Variants in FRK observed in about 807,000 individuals in gnomAD.
The protein encoded by FRK is tyrosine-protein kinase FRK.
Under a neutral mutation model 56.4 loss-of-function variants are expected in FRK, and 51 were observed. The observed-to-expected ratio is 0.90, with a 90% CI of 0.72 to 1.14. FRK has a LOEUF of 1.14. FRK is among the 50% of genes most tolerant of loss of function. The probability of loss-of-function intolerance (pLI) is 0.00; values close to 1 mark genes in which losing one functional copy is unlikely to be tolerated. For synonymous variants in FRK, 245 were observed against 217.9 expected (o/e 1.12, Z -1.10); for missense variants, 570 against 601.4 (o/e 0.95, Z 0.55).
chr6:115,967,530 TA>T lies in FRK; in HGVS notation c.799+20del, dbSNP rs1367270558. 1 of 1,610,258 alleles carries T rather than the reference TA, an allele frequency of 6.2e-7. No homozygotes were observed. Among genetic ancestry groups the T allele is most frequent in the Non-Finnish European group, 8.5e-7 (1 of 1,177,102 alleles). On this transcript the variant is annotated intron_variant, in intron 4 of 7. Coordinates refer to ENST00000606080, the MANE Select transcript of FRK (RefSeq NM_002031.3). ...CTCATAAAAATCAACATATGCCATT[TA>T]ACCTTTATTGTTCTCGCACCTGGTT...
intron 1 of FRK, chr6:116,039,270 C>G: frequency 1.3e-6 from 2 of 1,483,756 alleles, no homozygotes; most frequent in Non-Finnish European, 9.4e-7. Context: ...TTGGTACCAG[C>G]AAGACTGCAA....
chr6:115,974,930 G>A (rs1773938883), intron 2 of FRK, among the ~76,000 whole-genome samples: 1 of 152,082 alleles, frequency 6.6e-6, no homozygotes, highest in Non-Finnish European at 1.5e-5. Flanking sequence ...ATCTCTGTGA[G>A]GGCAGGGGCT....
At chr6:115,960,420 A>G (rs1773304196) in intron 4 of FRK, among the ~76,000 whole-genome samples, 1 of 150,532 alleles carries the variant, frequency 6.6e-6, no homozygotes, top group Admixed American at 6.6e-5. Flanking sequence ...GCTGATTGCT[A>G]GCACAGCAGT....
At chr6:115,999,916 T>C (rs920056805) in intron 2 of FRK, among the ~76,000 whole-genome samples, 5 of 152,344 alleles carry the variant, frequency 3.3e-5, no homozygotes, top group African/African-American at 9.6e-5. Flanking sequence ...AGTGAATACA[T>C]AGCAATCAGA....
chr6:116,076,635 T>G, the FRK span, among the ~76,000 whole-genome samples: 2 of 152,204 alleles, frequency 1.3e-5, no homozygotes, highest in Non-Finnish European at 2.9e-5. Context: ...GCACTTATTT[T>G]GAGGATGAAA....
At chr6:115,945,363 T>G (rs1772384935) in intron 5 of FRK, among the ~76,000 whole-genome samples, 1 of 152,068 alleles carries the variant, frequency 6.6e-6, no homozygotes, top group Admixed American at 6.6e-5. Flanking sequence ...TCCACAACCT[T>G]GCCAGCATCT....
intron 2 of FRK, among the ~76,000 whole-genome samples, chr6:115,994,312 A>T: frequency 7.2e-6 from 1 of 137,960 alleles, no homozygotes; most frequent in Non-Finnish European, 1.6e-5. Flanking sequence ...GGGTATCCAG[A>T]ATCTCACAAC....
rs989307892 is a variant in FRK at position 115,939,694 on chromosome 6, CAG to C, written c.*2718_*2719del. On this transcript the variant is annotated 3_prime_UTR_variant, in exon 8 of 8. Transcript: ENST00000606080. ...CACATTCCTATACACCAATAACAAA[CAG>C]AGAGCCAAATCATGAGTGAACTCCC... 7.8e-4 allele frequency: 118 copies of C among 152,224 alleles called. 1 individual carries two copies. The highest frequency in any genetic ancestry group is 2.6e-3 in the African/African-American group (109 of 41,540). 9.4% of individuals were successfully genotyped at this position (152,224 alleles called of 1,614,324 possible). A position where few individuals can be genotyped will look rare whatever the true frequency, so the allele number is the denominator to read the frequency against.
intron 4 of FRK, among the ~76,000 whole-genome samples, chr6:115,958,354 T>C (rs967433671): frequency 6.6e-6 from 1 of 150,934 alleles, no homozygotes; most frequent in Non-Finnish European, 1.5e-5. Context: ...AGGCTGGGCA[T>C]GGTGGCTCAA....
At chr6:116,030,981 A>G (rs777999017) in intron 1 of FRK, among the ~76,000 whole-genome samples, 4 of 152,120 alleles carry the variant, frequency 2.6e-5, no homozygotes, top group Admixed American at 1.3e-4. Flanking sequence ...AAGCAGTAAG[A>G]GCCTTAAATC....
Position 115,937,473 on chromosome 6 carries a change from C to T in FRK, c.*4941G>A, listed in dbSNP as rs1322216675. On this transcript the variant is annotated 3_prime_UTR_variant, in exon 8 of 8. Transcript: ENST00000606080. ...ATGACAGAATCAAATTCACACATAA[C>T]AATACTAACCTTAAATGTAAACAGG... The T allele has an allele frequency of 6.6e-6, 1 of 152,232 alleles. No homozygotes were observed. Among genetic ancestry groups the T allele is most frequent in the African/African-American group, 2.4e-5 (1 of 41,532 alleles). 9.4% of individuals were successfully genotyped at this position (152,232 alleles called of 1,614,324 possible).
chr6:115,985,095 T>G (rs1302397555), intron 2 of FRK, among the ~76,000 whole-genome samples: 1 of 152,124 alleles, frequency 6.6e-6, no homozygotes, highest in African/African-American at 2.4e-5. Flanking sequence ...GCTACTTACA[T>G]GCAAATCAAT....
the FRK span, among the ~76,000 whole-genome samples, chr6:116,085,053 A>G: frequency 1.3e-5 from 2 of 152,184 alleles, no homozygotes; most frequent in Non-Finnish European, 2.9e-5. Context: ...GCCTGCTTTG[A>G]AATTATGAAG....
In FRK at chr6:115,986,027, C is replaced by G. The variant is rs117430957; in HGVS notation, c.467-17288G>C. On this transcript the variant is annotated intron_variant, in intron 2 of 7. Coordinates refer to ENST00000606080, the MANE Select transcript of FRK (RefSeq NM_002031.3). ...ACAGTTATTTGAGGCTATTTTTATA[C>G]CATTAATATGTGTACAAATTTATGT... 2.6e-5 allele frequency among the ~76,000 whole-genome samples: 4 copies of G among 151,074 alleles called. No homozygotes were observed. The South Asian group carries it at 8.5e-4, about 32-fold the overall frequency.
chr6:116,015,487 G>A (rs1450493351), intron 1 of FRK, among the ~76,000 whole-genome samples: 1 of 152,100 alleles, frequency 6.6e-6, no homozygotes, highest in Non-Finnish European at 1.5e-5. Context: ...CAGTAGAGTG[G>A]GGCACTGCTA....
intron 1 of FRK, among the ~76,000 whole-genome samples, chr6:116,044,350 A>G (rs972964627): frequency 6.6e-6 from 1 of 152,258 alleles, no homozygotes; most frequent in African/African-American, 2.4e-5. Context: ...AATACTGGCA[A>G]ACTGAATCCA....
chr6:116,076,690 C>A, the FRK span, among the ~76,000 whole-genome samples: 1 of 152,144 alleles, frequency 6.6e-6, no homozygotes, highest in Non-Finnish European at 1.5e-5. Context: ...CATTTCCAAC[C>A]AATTCTCATG....
the FRK span, among the ~76,000 whole-genome samples, chr6:116,068,322 A>C: frequency 6.6e-6 from 1 of 152,170 alleles, no homozygotes; most frequent in African/African-American, 2.4e-5. Flanking sequence ...AAGACCAGAC[A>C]TATGTGAGTG....
chr6:115,933,128 A>G lies in FRK; in HGVS notation c.*9286T>C, dbSNP rs1331314109. 1 of 152,190 alleles carries G rather than the reference A, an allele frequency of 6.6e-6. No individual in the cohort carries two copies. Among genetic ancestry groups the G allele is most frequent in the Admixed American group, 6.5e-5 (1 of 15,284 alleles). 9.4% of individuals were successfully genotyped at this position (152,190 alleles called of 1,614,324 possible). On this transcript the variant is annotated 3_prime_UTR_variant, in exon 8 of 8. Coordinates refer to ENST00000606080, the MANE Select transcript of FRK (RefSeq NM_002031.3). ...TTCCTTACCCTCTTTTTAAAAAAAA[A>G]GAAAAAGAAAAACTTAATGGAACAT...
Sources: allele counts gnomAD v4.1 joint callset (sites outside exome capture counted in the v4.1 genomes callset), GRCh38; gene constraint gnomAD v4.1.1; transcripts MANE v1.5; gene names NCBI Gene and HGNC (gene_info 2026-07-23, HGNC 2026-07-21).